CTSB: variants seen among roughly 807,000 people sequenced by gnomAD.
The protein encoded by CTSB is APP secretase.
CTSB carries 57 observed loss-of-function variants against 44.3 expected under a neutral mutation model. That is an observed-to-expected ratio of 1.29 (90% confidence interval 1.04 to 1.60). The LOEUF (loss-of-function observed/expected upper bound fraction) is 1.60. Ranked by LOEUF, CTSB falls within the 40% of genes most tolerant of loss-of-function variation. CTSB has a pLI of 0.00. For missense variants in CTSB, 768 were observed against 443.0 expected, an observed-to-expected ratio of 1.73 and a Z score of -6.59; for synonymous variants, 320 against 168.0, an observed-to-expected ratio of 1.91 and a Z score of -7.00.
In CTSB at chr8:11,844,273, G is replaced by C. The variant is rs1812810935; in HGVS notation, c.*852C>G. On this transcript the variant is annotated 3_prime_UTR_variant, in exon 10 of 10. Coordinates refer to ENST00000353047, the MANE Select transcript of CTSB (RefSeq NM_001908.5). ...GGACAAAGAGAGACAGCAGCTACAA[G>C]TCTATAGGCAGTGACAAAGGATCTG... 2 of 152,216 alleles carry C rather than the reference G, an allele frequency of 1.3e-5. No homozygotes were observed. Among genetic ancestry groups the C allele is most frequent in the Non-Finnish European group, 2.9e-5 (2 of 68,044 alleles). 9.4% of individuals were successfully genotyped at this position (152,216 alleles called of 1,614,324 possible).
intron 1 of CTSB, chr8:11,864,318 G>GAAAAAAAAA (rs35885912): frequency 4.4e-5 from 2 of 45,572 alleles, no homozygotes; most frequent in African/African-American, 1.0e-4. Flanking sequence ...CTCTACCAAC[G>GAAAAAAAAA]AAAAAAAAAA....
chr8:11,850,030 G>A (rs1348531919), intron 4 of CTSB: 1 of 152,370 alleles, frequency 6.6e-6, no homozygotes, highest in East Asian at 1.9e-4. Flanking sequence ...AATGGGGACA[G>A]AGTTTCTGTC....
chr8:11,851,737 G>T (rs1234623415), intron 3 of CTSB, among the ~76,000 whole-genome samples: 1 of 151,916 alleles, frequency 6.6e-6, no homozygotes, highest in Non-Finnish European at 1.5e-5. Context: ...CATCATCTCA[G>T]CTCACCGCAA....
Position 11,845,242 on chromosome 8 carries a change from T to C in CTSB, c.923-20A>G, listed in dbSNP as rs1813049258. The C allele has an allele frequency of 1.3e-6, 2 of 1,584,260 alleles. No homozygotes were observed. Among genetic ancestry groups the C allele is most frequent in the African/African-American group, 1.3e-5 (1 of 74,258 alleles). On this transcript the variant is annotated intron_variant, in intron 9 of 9. Transcript: ENST00000353047. ...AGAAGCCTGGGAATAAAAAGTAAGG[T>C]GCTTTTAAAGTGTGACAAGGGTCAA...
At chr8:11,848,940 C>T (rs543651957) in intron 5 of CTSB, 106 bp downstream of exon 5, 10 of 775,694 alleles carry the variant, frequency 1.3e-5, no homozygotes, top group Non-Finnish European at 2.1e-5. Flanking sequence ...CGAAACACTT[C>T]TGACTCGCAG....
chr8:11,851,378 CA>C (rs1423247328), intron 3 of CTSB, among the ~76,000 whole-genome samples: 1 of 151,878 alleles, frequency 6.6e-6, no homozygotes, highest in African/African-American at 2.4e-5. Context: ...TTAGTAAAGA[CA>C]GGGTTTCACC....
chr8:11,864,933 A>T (rs1015583397), intron 1 of CTSB, among the ~76,000 whole-genome samples: 2 of 152,060 alleles, frequency 1.3e-5, no homozygotes, highest in African/African-American at 4.8e-5. Flanking sequence ...AAAGAAAAAA[A>T]TGTCTAAACA....
chr8:11,852,834 G>C, intron 2 of CTSB, 139 bp from the exon 3 acceptor site: 2 of 713,390 alleles, frequency 2.8e-6, no homozygotes, highest in Non-Finnish European at 2.4e-6. Context: ...GGGCACTGGG[G>C]AACAGCCCAG....
intron 8 of CTSB, among the ~76,000 whole-genome samples, 188 bp from the exon 9 acceptor site, chr8:11,845,977 A>G (rs539441880): frequency 2.3e-4 from 35 of 152,344 alleles, no homozygotes; most frequent in Middle Eastern, 3.4e-3. Context: ...TGAAGGCCCA[A>G]CACACTCAAA....
chr8:11,851,307 AG>A (rs1053316655), intron 3 of CTSB, among the ~76,000 whole-genome samples: 29 of 152,112 alleles, frequency 1.9e-4, no homozygotes, highest in Admixed American at 1.3e-4. Flanking sequence ...CTCGTGCCTC[AG>A]CCTCCTGAGT....
intron 1 of CTSB, among the ~76,000 whole-genome samples, chr8:11,863,829 G>A (rs1196727973): frequency 6.6e-6 from 1 of 152,152 alleles, no homozygotes; most frequent in African/African-American, 2.4e-5. Context: ...TGCTGGGCGA[G>A]TAAATTGATG....
At chr8:11,859,326 T>C (rs1422678733) in intron 1 of CTSB, among the ~76,000 whole-genome samples, 3 of 152,074 alleles carry the variant, frequency 2.0e-5, no homozygotes, top group Non-Finnish European at 2.9e-5. Flanking sequence ...TTGAAGCCGT[T>C]TCCAGGACAA....
At chr8:11,863,669 G>A (rs1816729022) in intron 1 of CTSB, among the ~76,000 whole-genome samples, 1 of 152,072 alleles carries the variant, frequency 6.6e-6, no homozygotes, top group East Asian at 1.9e-4. Context: ...GGCATAAGTG[G>A]GTTACTGTTG....
At chr8:11,865,311 G>A (rs771721772) in intron 1 of CTSB, among the ~76,000 whole-genome samples, 3 of 152,188 alleles carry the variant, frequency 2.0e-5, no homozygotes, top group Non-Finnish European at 4.4e-5. Context: ...TTGGGAGGCC[G>A]AGGTGGGCGG....
At chr8:11,845,511 C>G (rs369698841) in intron 9 of CTSB, 150 bp downstream of exon 9, 4 of 947,074 alleles carry the variant, frequency 4.2e-6, no homozygotes, top group East Asian at 5.3e-5. Context: ...AAAGGGAACT[C>G]CTGACTGCCT....
Position 11,842,899 on chromosome 8 carries a change from A to C in CTSB, c.*2226T>G, listed in dbSNP as rs1812508216. ...TGATCTGCCCGCCTCAGCCTCCCAA[A>C]GTGCTGGGATTACAGGCTTGAGCCA... On this transcript the variant is annotated 3_prime_UTR_variant, in exon 10 of 10. Coordinates refer to ENST00000353047, the MANE Select transcript of CTSB (RefSeq NM_001908.5). 6.8e-6 allele frequency: 1 copy of C among 146,366 alleles called. No homozygotes were observed. The highest frequency in any genetic ancestry group is 1.5e-5 in the Non-Finnish European group (1 of 67,354). The allele number at this position is 146,366 out of a possible 1,614,324, so 9.1% of individuals were successfully genotyped here.
At chr8:11,849,593 T>TG (rs1814169710) in intron 4 of CTSB, 1 of 153,720 alleles carries the variant, frequency 6.5e-6, no homozygotes, top group African/African-American at 2.4e-5. Flanking sequence ...TTTTTTTTTT[T>TG]CCTGGAGGCG....
Position 11,851,119 on chromosome 8 carries a change from T to A in CTSB, c.213-139A>T, listed in dbSNP as rs866858329. ...CATGCCGAAGAAGGCTGCAGACAGG[T>A]GTCCTTGGTAATTTCATAAAACAAA... On this transcript the variant is annotated intron_variant, in intron 3 of 9. Coordinates refer to ENST00000353047, the MANE Select transcript of CTSB (RefSeq NM_001908.5). The A allele has an allele frequency of 2.4e-5, 11 of 463,978 alleles. 1 individual carries two copies. The highest frequency in any genetic ancestry group is 3.2e-4 in the Middle Eastern group (1 of 3,116). The allele number at this position is 463,978 out of a possible 1,614,324, so 28.7% of individuals were successfully genotyped here. A position where few individuals can be genotyped will look rare whatever the true frequency, so the allele number is the denominator to read the frequency against.
At chr8:11,856,369 T>C (rs1815510474) in intron 1 of CTSB, among the ~76,000 whole-genome samples, 1 of 152,214 alleles carries the variant, frequency 6.6e-6, no homozygotes, top group Non-Finnish European at 1.5e-5. Flanking sequence ...CGGTGGCGCA[T>C]GCCTGTAGCC....
Sources: gnomAD v4.1 joint callset for allele counts (sites outside exome capture counted in the v4.1 genomes callset) on GRCh38, gnomAD v4.1.1 for gene constraint, MANE v1.5 for transcripts, NCBI Gene and HGNC (gene_info 2026-07-23, HGNC 2026-07-21) for gene names.